Variants in CNTNAP5 observed in about 807,000 individuals in gnomAD.
The protein encoded by CNTNAP5 is contactin-associated protein-like 5.
Under a neutral mutation model 150.2 loss-of-function variants are expected in CNTNAP5, and 72 were observed. The observed-to-expected ratio is 0.48, with a 90% CI of 0.40 to 0.58. CNTNAP5 has a LOEUF of 0.58. Ranked by LOEUF, CNTNAP5 falls within the 20% of genes least tolerant of loss-of-function variation. The pLI is 0.00. For missense variants in CNTNAP5, 1,636 were observed against 1,626.2 expected (o/e 1.01, Z -0.10); for synonymous variants, 672 against 619.8 (o/e 1.08, Z -1.25).
chr2:124,155,075 GTTTTTTTTTT>G (rs36194209), intron 1 of CNTNAP5, among the ~76,000 whole-genome samples: 7 of 81,374 alleles, frequency 8.6e-5, no homozygotes, highest in African/African-American at 1.4e-4. Context: ...AACCATTCCC[GTTTTTTTTTT>G]TTTTTTTTTT....
intron 3 of CNTNAP5, among the ~76,000 whole-genome samples, chr2:124,305,374 C>T (rs1039835423): frequency 3.9e-5 from 6 of 151,926 alleles, no homozygotes; most frequent in East Asian, 1.9e-4. Flanking sequence ...TGCACATAAG[C>T]GAAGGAAGAA....
rs558092020 is a variant in CNTNAP5 at position 124,337,168 on chromosome 2, G to C, written c.382-80275G>C. Among the ~76,000 whole-genome samples the C allele has an allele frequency of 3.3e-5, 5 of 151,692 alleles. No homozygotes were observed. In the South Asian group the frequency reaches 1.0e-3, roughly 32 times the overall value. Reference sequence around the variant, plus strand: ...TCATGTGTCTTTTGGCTGCATAAATGTCTTTTGAGAAGTGTCTGTTCATAT... The same window carrying C: ...TCATGTGTCTTTTGGCTGCATAAATCTCTTTTGAGAAGTGTCTGTTCATAT... On this transcript the variant is annotated intron_variant, in intron 3 of 23. Coordinates refer to ENST00000682447, the MANE Select transcript of CNTNAP5 (RefSeq NM_001367498.1).
At chr2:124,110,986 A>T (rs1214721932) in intron 1 of CNTNAP5, among the ~76,000 whole-genome samples, 2 of 152,126 alleles carry the variant, frequency 1.3e-5, no homozygotes, top group Non-Finnish European at 2.9e-5. Flanking sequence ...CATGATCTCT[A>T]CTTGTCTGGT....
intron 19 of CNTNAP5, among the ~76,000 whole-genome samples, chr2:124,824,147 A>T (rs1682545569): frequency 6.6e-6 from 1 of 151,786 alleles, no homozygotes; most frequent in African/African-American, 2.4e-5. Flanking sequence ...TGAACTCTTG[A>T]CCTTAGGTGA....
chr2:124,892,782 C>T (rs899125772), intron 21 of CNTNAP5, among the ~76,000 whole-genome samples: 1 of 152,108 alleles, frequency 6.6e-6, no homozygotes. Flanking sequence ...TGATTTGAAG[C>T]GGGCTGCAAA....
chr2:124,404,894 C>T (rs995047721), intron 3 of CNTNAP5, among the ~76,000 whole-genome samples: 1 of 151,938 alleles, frequency 6.6e-6, no homozygotes, highest in East Asian at 1.9e-4. Flanking sequence ...ACTGTGTTTC[C>T]GTGTAAGGAT....
chr2:124,046,804 C>T (rs1183566479), intron 1 of CNTNAP5, among the ~76,000 whole-genome samples: 1 of 152,142 alleles, frequency 6.6e-6, no homozygotes, highest in African/African-American at 2.4e-5. Flanking sequence ...CACTGACATG[C>T]CTCAACATCC....
rs1678816453 is a variant in CNTNAP5, at chr2:124,918,699, G to C, written c.*4411G>C. Reference sequence around the variant, plus strand: ...GCTGTAGCCTACCAAAAGGCCTTTGGGATACCTGTATGGTTCTGCCAGTCA... The same window carrying C: ...GCTGTAGCCTACCAAAAGGCCTTTGCGATACCTGTATGGTTCTGCCAGTCA... On this transcript the variant is annotated 3_prime_UTR_variant, in exon 24 of 24. Coordinates refer to ENST00000682447, the MANE Select transcript of CNTNAP5 (RefSeq NM_001367498.1). 6.6e-6 allele frequency among the ~76,000 whole-genome samples: 1 copy of C among 152,050 alleles called. No homozygotes were observed. The highest frequency in any genetic ancestry group is 1.5e-5 in the Non-Finnish European group (1 of 67,984).
rs879978034 is a variant in CNTNAP5, at chr2:124,597,789, C to T, written c.1757-12012C>T. 1.4e-4 allele frequency among the ~76,000 whole-genome samples: 21 copies of T among 151,862 alleles called. No individual in the cohort carries two copies. In the East Asian group the frequency reaches 2.9e-3, roughly 21 times the overall value. On this transcript the variant is annotated intron_variant, in intron 11 of 23. Transcript: ENST00000682447. ...ATCACTTTCAGGCACACCAATCAGA[C>T]GTAGATTTGGTCTTTTCACATAGTC...
At chr2:124,058,137 T>C (rs1479736906) in intron 1 of CNTNAP5, among the ~76,000 whole-genome samples, 1 of 152,206 alleles carries the variant, frequency 6.6e-6, no homozygotes, top group Non-Finnish European at 1.5e-5. Context: ...TTGTTAAATA[T>C]GCAAATTCCT....
intron 13 of CNTNAP5, among the ~76,000 whole-genome samples, chr2:124,738,175 T>C (rs1680426592): frequency 6.6e-6 from 1 of 152,218 alleles, no homozygotes; most frequent in African/African-American, 2.4e-5. Flanking sequence ...ACTAAATCTC[T>C]GAGGCTTAAC....
chr2:124,752,123 T>C (rs1489861100), intron 14 of CNTNAP5, among the ~76,000 whole-genome samples: 1 of 152,152 alleles, frequency 6.6e-6, no homozygotes, highest in African/African-American at 2.4e-5. Context: ...ATCTCTCAAA[T>C]CACATCACCG....
intron 3 of CNTNAP5, among the ~76,000 whole-genome samples, chr2:124,336,877 T>A (rs900886647): frequency 6.6e-6 from 1 of 152,152 alleles, no homozygotes; most frequent in Non-Finnish European, 1.5e-5. Context: ...TATAATCCTT[T>A]GGGTATATAC....
intron 3 of CNTNAP5, among the ~76,000 whole-genome samples, chr2:124,342,440 G>A (rs1689641271): frequency 6.6e-6 from 1 of 152,150 alleles, no homozygotes; most frequent in Admixed American, 6.6e-5. Flanking sequence ...CGTGAACCGT[G>A]TATTCATAGT....
intron 3 of CNTNAP5, among the ~76,000 whole-genome samples, chr2:124,288,825 T>C (rs1688216735): frequency 6.6e-6 from 1 of 152,192 alleles, no homozygotes; most frequent in African/African-American, 2.4e-5. Context: ...TCTTCCTGGT[T>C]TGGTGTTCAA....
chr2:124,170,384 G>T (rs1306982577), intron 1 of CNTNAP5, among the ~76,000 whole-genome samples: 1 of 152,128 alleles, frequency 6.6e-6, no homozygotes, highest in Admixed American at 6.5e-5. Flanking sequence ...CATTTGGCAT[G>T]ATTTAGTACC....
chr2:124,448,288 A>AATAATG (rs34537986), intron 6 of CNTNAP5, among the ~76,000 whole-genome samples: 1 of 149,992 alleles, frequency 6.7e-6, no homozygotes, highest in East Asian at 1.9e-4. Flanking sequence ...TAATAATAAT[A>AATAATG]ATAATAATAA....
intron 1 of CNTNAP5, among the ~76,000 whole-genome samples, chr2:124,174,206 G>A (rs1319577838): frequency 6.6e-6 from 1 of 152,014 alleles, no homozygotes; most frequent in Admixed American, 6.6e-5. Flanking sequence ...AAGGAAGTTA[G>A]TGTGTTTTCA....
At chr2:124,381,728 T>G (rs183694258) in intron 3 of CNTNAP5, among the ~76,000 whole-genome samples, 50 of 152,192 alleles carry the variant, frequency 3.3e-4, no homozygotes, top group African/African-American at 1.1e-3. Context: ...ACAAGTGTAT[T>G]TGCTCCAGGG....
Sources: gnomAD v4.1 joint callset for allele counts (sites outside exome capture counted in the v4.1 genomes callset) on GRCh38, gnomAD v4.1.1 for gene constraint, MANE v1.5 for transcripts, NCBI Gene and HGNC (gene_info 2026-07-23, HGNC 2026-07-21) for gene names.